The following SLAMF9 variants were observed in gnomAD, a reference collection of about 807,000 sequenced individuals.
The protein encoded by SLAMF9 is CD2 family member 10.
SLAMF9 carries 25 observed loss-of-function variants against 30.4 expected under a neutral mutation model. That is an observed-to-expected ratio of 0.82 (90% CI 0.60 to 1.15). The LOEUF (loss-of-function observed/expected upper bound fraction) is 1.15, where lower values mean the gene tolerates loss of function less well. SLAMF9 is among the 50% of genes most tolerant of loss of function. SLAMF9 has a pLI of 0.00. For synonymous variants in SLAMF9, 129 were observed against 127.2 expected (o/e 1.01, Z -0.09); for missense variants, 344 against 346.1 (o/e 0.99, Z 0.05).
chr1:159,951,966 A>G lies in SLAMF9; in HGVS notation c.665-100T>C, dbSNP rs541480887. The G allele has an allele frequency of 1.6e-3, 1,661 of 1,007,158 alleles. 4 individuals are homozygous for G. Among genetic ancestry groups the G allele is most frequent in the Non-Finnish European group, 2.2e-3 (1,487 of 669,358 alleles). 62.4% of individuals were successfully genotyped at this position (1,007,158 alleles called of 1,614,324 possible). A position where few individuals can be genotyped will look rare whatever the true frequency, so the allele number is the denominator to read the frequency against. On this transcript the variant is annotated intron_variant, in intron 3 of 3. Coordinates refer to ENST00000368093, the MANE Select transcript of SLAMF9 (RefSeq NM_033438.4). ...AATTTCATGAAGGGGTCTCAAGTTC[A>G]CAATCAGTTGAAGTCCCCTTGCAAG... is the stretch of plus-strand genomic sequence containing the variant.
intron 3 of SLAMF9, 105 bp downstream of exon 3, chr1:159,952,157 G>T (rs1268649087): frequency 7.4e-7 from 1 of 1,354,882 alleles, no homozygotes; most frequent in South Asian, 1.3e-5. Flanking sequence ...GAGGGGGTTA[G>T]CTTCTGAATT....
At chr1:159,980,011 G>A in the SLAMF9 span, among the ~76,000 whole-genome samples, 3 of 152,212 alleles carry the variant, frequency 2.0e-5, no homozygotes, top group Admixed American at 1.3e-4. Context: ...CAGAATCGGC[G>A]TGGGGAGTTA....
chr1:159,962,417 C>T, the SLAMF9 span, among the ~76,000 whole-genome samples: 27 of 152,092 alleles, frequency 1.8e-4, no homozygotes, highest in African/African-American at 5.5e-4. Flanking sequence ...CCGAGGTGGG[C>T]GGCGGAGATT....
chr1:159,977,823 G>T, the SLAMF9 span, among the ~76,000 whole-genome samples: 1 of 152,320 alleles, frequency 6.6e-6, no homozygotes, highest in East Asian at 1.9e-4. Context: ...AGCCCAGGTG[G>T]TCAGAATGGG....
At chr1:159,973,179 G>A in the SLAMF9 span, 1 of 1,518,984 alleles carries the variant, frequency 6.6e-7, no homozygotes, top group Non-Finnish European at 9.1e-7. Flanking sequence ...CCTCCAGGCT[G>A]ACCTCAGGGG....
upstream of SLAMF9, among the ~76,000 whole-genome samples, chr1:159,957,076 C>A (rs556714499): frequency 8.2e-6 from 1 of 121,958 alleles, no homozygotes; most frequent in Non-Finnish European, 1.6e-5. Context: ...GAGCCGAGAT[C>A]GTGCCACTGC....
upstream of SLAMF9, among the ~76,000 whole-genome samples, chr1:159,958,795 G>A (rs1651982482): frequency 6.6e-6 from 1 of 152,038 alleles, no homozygotes; most frequent in Admixed American, 6.5e-5. Context: ...CTAATGGATT[G>A]TGATTCAAAT....
At chr1:159,951,953 G>T in intron 3 of SLAMF9, 87 bp from the exon 4 acceptor site, 1 of 1,142,622 alleles carries the variant, frequency 8.8e-7, no homozygotes. Flanking sequence ...TTTCATGAAG[G>T]GGTCTCAAGT....
the SLAMF9 span, among the ~76,000 whole-genome samples, chr1:159,963,299 C>A: frequency 6.6e-6 from 1 of 152,116 alleles, no homozygotes; most frequent in African/African-American, 2.4e-5. Flanking sequence ...TGGCCAGGGT[C>A]TGTAATTATT....
upstream of SLAMF9, among the ~76,000 whole-genome samples, chr1:159,955,801 G>A (rs1651910403): frequency 6.6e-6 from 1 of 152,202 alleles, no homozygotes; most frequent in Admixed American, 6.5e-5. Flanking sequence ...TGAGACCTTA[G>A]TTCTTCAAAG....
chr1:159,951,645 G>T lies in SLAMF9; in HGVS notation c.*16C>A. On this transcript the variant is annotated 3_prime_UTR_variant, in exon 4 of 4. Coordinates refer to ENST00000368093, the MANE Select transcript of SLAMF9 (RefSeq NM_033438.4). ...GGGAAGAAACCAAGCTCAGGACTGG[G>T]GTTCCCAAGGAGCAGTCAGGCAGGG... 1.2e-6 allele frequency: 2 copies of T among 1,612,596 alleles called. No individual in the cohort carries two copies. Among genetic ancestry groups the T allele is most frequent in the Non-Finnish European group, 1.7e-6 (2 of 1,179,332 alleles).
chr1:159,960,350 AT>A, the SLAMF9 span, among the ~76,000 whole-genome samples: 2 of 151,176 alleles, frequency 1.3e-5, no homozygotes, highest in Non-Finnish European at 2.9e-5. Flanking sequence ...TAAACTCATC[AT>A]TTTTTATGGC....
the SLAMF9 span, among the ~76,000 whole-genome samples, chr1:159,982,292 C>T: frequency 3.7e-4 from 56 of 152,164 alleles, 1 homozygote; most frequent in Non-Finnish European, 8.8e-5. Context: ...CCCATCTTGA[C>T]AGCCACATGG....
chr1:159,964,770 G>T, the SLAMF9 span, among the ~76,000 whole-genome samples: 1 of 152,032 alleles, frequency 6.6e-6, no homozygotes, highest in Non-Finnish European at 1.5e-5. Flanking sequence ...ACTATACCTG[G>T]CATATAGAAA....
the SLAMF9 span, among the ~76,000 whole-genome samples, chr1:159,963,722 A>G: frequency 6.6e-6 from 1 of 152,134 alleles, no homozygotes; most frequent in Non-Finnish European, 1.5e-5. Flanking sequence ...CTCAAAATGT[A>G]GGTTTCATAC....
the SLAMF9 span, chr1:159,973,750 C>T: frequency 6.4e-7 from 1 of 1,562,890 alleles, no homozygotes; most frequent in Non-Finnish European, 8.8e-7. Flanking sequence ...GAGACGGGAC[C>T]CCTGAGAGGC....
chr1:159,973,088 C>A, the SLAMF9 span: 1 of 1,498,724 alleles, frequency 6.7e-7, no homozygotes, highest in Admixed American at 2.2e-5. Flanking sequence ...AGTCTCCCTC[C>A]TTGACTCCTG....
the SLAMF9 span, among the ~76,000 whole-genome samples, chr1:159,974,385 G>A: frequency 7.2e-5 from 11 of 152,106 alleles, 1 homozygote; most frequent in Middle Eastern, 0.01. Context: ...TTTGGTTCCA[G>A]CTAGAATCAT....
intron 2 of SLAMF9, 24 bp from the exon 3 acceptor site, chr1:159,952,558 A>T (rs1170744127): frequency 6.2e-7 from 1 of 1,607,296 alleles, no homozygotes; most frequent in Non-Finnish European, 8.5e-7. Context: ...AAACACAAAG[A>T]CCCTCTAAAC....
Sources: allele counts gnomAD v4.1 joint callset (sites outside exome capture counted in the v4.1 genomes callset), GRCh38; gene constraint gnomAD v4.1.1; transcripts MANE v1.5; gene names NCBI Gene and HGNC (gene_info 2026-07-23, HGNC 2026-07-21).